GAB2: variants seen among roughly 807,000 people sequenced by gnomAD.
GAB2 encodes the protein GRB2-associated-binding protein 2.
Under a neutral mutation model 65.5 loss-of-function variants are expected in GAB2, and 26 were observed. The ratio of observed to expected loss-of-function variants is 0.40; its 90% confidence interval spans 0.29 to 0.55. The LOEUF (loss-of-function observed/expected upper bound fraction) is 0.55. GAB2 is among the 20% of genes least tolerant of loss of function. GAB2 has a pLI of 0.53. For synonymous variants in GAB2, 321 were observed against 329.6 expected (o/e 0.97, Z 0.28); for missense variants, 884 against 875.8 (o/e 1.01, Z -0.12).
In GAB2 at chr11:78,220,447, G is replaced by A; in HGVS notation, c.1762-3C>T. On this transcript the variant is annotated splice_polypyrimidine_tract_variant and splice_region_variant and intron_variant, in intron 8 of 9. Coordinates refer to ENST00000361507, the MANE Select transcript of GAB2 (RefSeq NM_080491.3). The stretch of plus-strand genomic sequence containing the variant: ...GGAGATGCAGACACTGGGTTTTGCT[G>A]TCACGAGGAGGAAAAAACTGTGAGT... The A allele has an allele frequency of 6.4e-7, 1 of 1,564,094 alleles. No homozygotes were observed.
At chr11:78,395,481 C>T (rs992430638) in intron 1 of GAB2, among the ~76,000 whole-genome samples, 2 of 152,178 alleles carry the variant, frequency 1.3e-5, no homozygotes, top group African/African-American at 4.8e-5. Flanking sequence ...CTACCTTTTC[C>T]CACTTCATAT....
chr11:78,233,326 C>T (rs951021763), intron 3 of GAB2, among the ~76,000 whole-genome samples: 3 of 152,172 alleles, frequency 2.0e-5, no homozygotes, highest in Admixed American at 6.5e-5. Context: ...TGAGCCACTG[C>T]GTCTGGCCTG....
intron 1 of GAB2, among the ~76,000 whole-genome samples, chr11:78,343,999 G>A (rs1214812028): frequency 1.3e-5 from 2 of 152,114 alleles, no homozygotes; most frequent in Non-Finnish European, 1.5e-5. Flanking sequence ...GCAGGAAGAG[G>A]AGGAGAAATC....
At chr11:78,356,536 T>C (rs1201006133) in intron 1 of GAB2, among the ~76,000 whole-genome samples, 1 of 152,252 alleles carries the variant, frequency 6.6e-6, no homozygotes, top group South Asian at 2.1e-4. Flanking sequence ...AATTATGTTC[T>C]TTCTGGTTGT....
At chr11:78,383,457 G>A (rs1219939636) in intron 1 of GAB2, among the ~76,000 whole-genome samples, 1 of 148,232 alleles carries the variant, frequency 6.7e-6, no homozygotes, top group Non-Finnish European at 1.5e-5. Context: ...TAAGACGTGG[G>A]GTCTCAGCCG....
At chr11:78,235,661 G>A (rs1864960786) in intron 3 of GAB2, among the ~76,000 whole-genome samples, 2 of 152,206 alleles carry the variant, frequency 1.3e-5, no homozygotes, top group South Asian at 4.1e-4. Flanking sequence ...AATGCCACCA[G>A]TCTCTGCTAA....
At chr11:78,329,772 C>T (rs555703619) in intron 1 of GAB2, among the ~76,000 whole-genome samples, 5 of 152,262 alleles carry the variant, frequency 3.3e-5, no homozygotes, top group South Asian at 2.1e-4. Flanking sequence ...GCATGTATCT[C>T]GCCATATTGC....
intron 1 of GAB2, among the ~76,000 whole-genome samples, chr11:78,377,897 T>C (rs1050888828): frequency 2.6e-5 from 4 of 152,158 alleles, no homozygotes; most frequent in African/African-American, 4.8e-5. Context: ...AATAACTGGA[T>C]ACTTGTTTTA....
At chr11:78,254,448 G>C (rs1010534824) in intron 2 of GAB2, among the ~76,000 whole-genome samples, 1 of 152,138 alleles carries the variant, frequency 6.6e-6, no homozygotes, top group African/African-American at 2.4e-5. Context: ...ACAGAAACTT[G>C]GATTTCTACT....
intron 1 of GAB2, among the ~76,000 whole-genome samples, chr11:78,361,858 G>C (rs971849836): frequency 6.6e-6 from 1 of 151,176 alleles, no homozygotes; most frequent in Admixed American, 6.6e-5. Context: ...GGCAATGCCA[G>C]AAACTTATCC....
At chr11:78,232,188 G>C (rs190106986) in intron 3 of GAB2, among the ~76,000 whole-genome samples, 1 of 152,254 alleles carries the variant, frequency 6.6e-6, no homozygotes, top group African/African-American at 2.4e-5. Flanking sequence ...ATTAATGATG[G>C]GTAAGCTCTC....
In GAB2 at chr11:78,279,649, TTC is replaced by T. The variant is rs1456579743; in HGVS notation, c.376+950_376+951del. ...CACTCTCAGTCACCACCAATGTACTTTCTGTCTCTGTGGATTTGCCTGCTCTG... is the reference window on the plus strand; with the variant it reads ...CACTCTCAGTCACCACCAATGTACTTTGTCTCTGTGGATTTGCCTGCTCTG... On this transcript the variant is annotated intron_variant, in intron 2 of 9. Transcript: ENST00000361507. 3.3e-5 allele frequency among the ~76,000 whole-genome samples: 5 copies of T among 152,084 alleles called. No individual in the cohort carries two copies. In the East Asian group the frequency reaches 9.6e-4, roughly 29 times the overall value.
chr11:78,368,363 T>C (rs1252892466), intron 1 of GAB2, among the ~76,000 whole-genome samples: 2 of 152,240 alleles, frequency 1.3e-5, no homozygotes, highest in African/African-American at 4.8e-5. Flanking sequence ...TTTAGAAATA[T>C]AGTAAACTTC....
rs373856431 is a variant in GAB2 at position 78,394,997 on chromosome 11, A to G, written c.75+22649T>C. 1.8e-3 allele frequency among the ~76,000 whole-genome samples: 277 copies of G among 151,856 alleles called. 1 individual carries two copies. The South Asian group carries it at 0.019, about 10-fold the overall frequency. On this transcript the variant is annotated intron_variant, in intron 1 of 9. Coordinates refer to ENST00000361507, the MANE Select transcript of GAB2 (RefSeq NM_080491.3). ...GGACTCAAGAGCAGCCAGTGAAGAG[A>G]CTCGTATCCTTGTCCCTCGCCCTCT...
chr11:78,244,731 CA>C (rs1026273371), intron 3 of GAB2, among the ~76,000 whole-genome samples: 26 of 138,916 alleles, frequency 1.9e-4, no homozygotes, highest in African/African-American at 6.6e-4. Context: ...ATCAAAACCA[CA>C]ATGAGATATT....
intron 1 of GAB2, among the ~76,000 whole-genome samples, chr11:78,394,557 A>T (rs796967814): frequency 6.6e-6 from 1 of 152,350 alleles, no homozygotes; most frequent in African/African-American, 2.4e-5. Flanking sequence ...AATAACTTTT[A>T]AAAAGTGTAA....
intron 1 of GAB2, among the ~76,000 whole-genome samples, chr11:78,301,623 G>T (rs930593387): frequency 6.6e-6 from 1 of 152,262 alleles, no homozygotes; most frequent in South Asian, 2.1e-4. Context: ...GTGAGCCACC[G>T]TACCCAGTCT....
At chr11:78,363,100 G>C (rs1856455250) in intron 1 of GAB2, among the ~76,000 whole-genome samples, 1 of 152,098 alleles carries the variant, frequency 6.6e-6, no homozygotes, top group East Asian at 1.9e-4. Flanking sequence ...ACCTTCCTTG[G>C]AACTAGATCA....
intron 1 of GAB2, among the ~76,000 whole-genome samples, chr11:78,411,340 G>T (rs547769480): frequency 1.2e-4 from 18 of 151,624 alleles, no homozygotes; most frequent in Admixed American, 2.6e-4. Context: ...TCTTTTTTTT[G>T]CATAAACAAG....
Sources: gnomAD v4.1 joint callset for allele counts (sites outside exome capture counted in the v4.1 genomes callset) on GRCh38, gnomAD v4.1.1 for gene constraint, MANE v1.5 for transcripts, NCBI Gene and HGNC (gene_info 2026-07-23, HGNC 2026-07-21) for gene names.